The following MARCHF1 variants were observed in gnomAD, a reference collection of about 807,000 sequenced individuals.
MARCHF1 encodes the protein membrane associated ring-CH-type finger 1.
MARCHF1 carries 40 observed loss-of-function variants against 54.2 expected under a neutral mutation model. That is an observed-to-expected ratio of 0.74 (90% confidence interval 0.57 to 0.96). The LOEUF (loss-of-function observed/expected upper bound fraction) is 0.96, where lower values mean the gene tolerates loss of function less well. MARCHF1 is among the 40% of genes least tolerant of loss of function. The pLI, the probability that MARCHF1 is intolerant of heterozygous loss-of-function variation, is 0.00. For synonymous variants in MARCHF1, 236 were observed against 236.3 expected, an observed-to-expected ratio of 1.00 and a Z score of 0.01; for missense variants, 586 against 656.5, an observed-to-expected ratio of 0.89 and a Z score of 1.17.
intron 2 of MARCHF1, among the ~76,000 whole-genome samples, chr4:164,061,554 A>T (rs1201736614): frequency 1.7e-5 from 2 of 120,558 alleles, no homozygotes; most frequent in Non-Finnish European, 3.4e-5. Flanking sequence ...GGGGGGAGGG[A>T]TAGCATTAGG....
chr4:163,988,273 C>G (rs1752907455), intron 3 of MARCHF1, among the ~76,000 whole-genome samples: 1 of 152,176 alleles, frequency 6.6e-6, no homozygotes. Context: ...TTCCATCTGT[C>G]AAGTAGGAAG....
intron 3 of MARCHF1, among the ~76,000 whole-genome samples, chr4:163,918,427 A>G (rs1262405724): frequency 1.3e-5 from 2 of 152,096 alleles, no homozygotes; most frequent in African/African-American, 4.8e-5. Flanking sequence ...ACAGTTAGGG[A>G]GAGAAATATA....
At chr4:163,870,618 C>A (rs2111215581) in intron 3 of MARCHF1, among the ~76,000 whole-genome samples, 1 of 152,162 alleles carries the variant, frequency 6.6e-6, no homozygotes, top group East Asian at 1.9e-4. Context: ...AGAGATGCCG[C>A]TTTTTCTGTT....
At chr4:164,173,469 A>G (rs1247160530) in intron 1 of MARCHF1, among the ~76,000 whole-genome samples, 1 of 152,216 alleles carries the variant, frequency 6.6e-6, no homozygotes, top group Admixed American at 6.5e-5. Flanking sequence ...ATAATGGCAG[A>G]CGCAATTCAA....
At chr4:163,942,982 G>A (rs1223384047) in intron 3 of MARCHF1, among the ~76,000 whole-genome samples, 2 of 150,532 alleles carry the variant, frequency 1.3e-5, no homozygotes, top group South Asian at 2.1e-4. Context: ...GTTGTTGTTG[G>A]CCGCATGTAT....
chr4:164,310,326 T>C (rs1191314313), intron 1 of MARCHF1, among the ~76,000 whole-genome samples: 2 of 152,140 alleles, frequency 1.3e-5, no homozygotes, highest in African/African-American at 2.4e-5. Flanking sequence ...TCCGCCTACC[T>C]TGTATTCCCA....
At chr4:163,665,068 A>G (rs117562149) in intron 5 of MARCHF1, among the ~76,000 whole-genome samples, 1 of 152,146 alleles carries the variant, frequency 6.6e-6, no homozygotes, top group East Asian at 1.9e-4. Flanking sequence ...CAAAGGTTGT[A>G]ATTCCGCTGG....
intron 4 of MARCHF1, among the ~76,000 whole-genome samples, chr4:163,840,145 A>G (rs1015128924): frequency 1.5e-4 from 23 of 152,164 alleles, no homozygotes; most frequent in African/African-American, 5.5e-4. Flanking sequence ...AAAACATGAC[A>G]TCACAATTGA....
chr4:163,816,296 T>TTTTGGCAGATCATTATCTGCCAAATGA (rs1748529611), intron 4 of MARCHF1, among the ~76,000 whole-genome samples: 3 of 152,132 alleles, frequency 2.0e-5, no homozygotes, highest in Non-Finnish European at 4.4e-5. Flanking sequence ...TATGTGAACT[T>TTTTGGCAGATCATTATCTGCCAAATGA]TTTGGCAGAT....
At chr4:164,064,440 G>C (rs1450566990) in intron 2 of MARCHF1, among the ~76,000 whole-genome samples, 1 of 152,086 alleles carries the variant, frequency 6.6e-6, no homozygotes, top group Non-Finnish European at 1.5e-5. Flanking sequence ...TTCCTGATTT[G>C]GCTCTTGGCT....
At chr4:163,745,044 G>T (rs1207393210) in intron 4 of MARCHF1, among the ~76,000 whole-genome samples, 1 of 151,712 alleles carries the variant, frequency 6.6e-6, no homozygotes, top group Non-Finnish European at 1.5e-5. Context: ...GCAATCTCAC[G>T]CCAGAAGTGA....
At chr4:164,019,735 G>A (rs895945956) in intron 2 of MARCHF1, among the ~76,000 whole-genome samples, 1 of 152,154 alleles carries the variant, frequency 6.6e-6, no homozygotes, top group African/African-American at 2.4e-5. Context: ...AAAACACTGA[G>A]CTCCCAATTC....
intron 2 of MARCHF1, among the ~76,000 whole-genome samples, chr4:164,066,046 C>G (rs1323011103): frequency 2.0e-5 from 3 of 152,056 alleles, no homozygotes; most frequent in Admixed American, 6.5e-5. Context: ...ACAGACACAC[C>G]CAGAAACAAT....
chr4:164,046,299 T>C (rs908801470), intron 2 of MARCHF1, among the ~76,000 whole-genome samples: 4 of 152,240 alleles, frequency 2.6e-5, no homozygotes, highest in Admixed American at 6.5e-5. Flanking sequence ...GCTGTATACA[T>C]ATTCTTAAAC....
At chr4:163,842,249 G>A (rs1487192917) in intron 4 of MARCHF1, among the ~76,000 whole-genome samples, 1 of 151,990 alleles carries the variant, frequency 6.6e-6, no homozygotes, top group African/African-American at 2.4e-5. Flanking sequence ...CAATCTTAAT[G>A]TGTCACCTTG....
At chr4:163,685,162 G>A (rs1055918066) in intron 5 of MARCHF1, among the ~76,000 whole-genome samples, 22 of 151,954 alleles carry the variant, frequency 1.4e-4, no homozygotes, top group African/African-American at 3.9e-4. Context: ...ATTAAAAATC[G>A]TTTTATTACA....
intron 3 of MARCHF1, among the ~76,000 whole-genome samples, chr4:163,979,960 C>T (rs2110864305): frequency 6.6e-6 from 1 of 152,186 alleles, no homozygotes; most frequent in Non-Finnish European, 1.5e-5. Flanking sequence ...AATTTTCTCC[C>T]ATTTTGTAGG....
chr4:163,632,763 C>A (rs1484219959), intron 5 of MARCHF1, among the ~76,000 whole-genome samples: 2 of 152,252 alleles, frequency 1.3e-5, no homozygotes, highest in Non-Finnish European at 2.9e-5. Flanking sequence ...AGGAGGCCTG[C>A]CTGCCTCTGT....
chr4:164,218,946 A>G (rs1055803131), intron 1 of MARCHF1, among the ~76,000 whole-genome samples: 1 of 152,146 alleles, frequency 6.6e-6, no homozygotes. Context: ...CAATTAATGT[A>G]AAAAGTATCC....
Sources: gnomAD v4.1 joint callset for allele counts (sites outside exome capture counted in the v4.1 genomes callset) on GRCh38, gnomAD v4.1.1 for gene constraint, MANE v1.5 for transcripts, NCBI Gene and HGNC (gene_info 2026-07-23, HGNC 2026-07-21) for gene names.